Variants in NPEPPS observed in about 807,000 individuals in gnomAD.
The protein encoded by NPEPPS is puromycin-sensitive aminopeptidase.
NPEPPS carries 14 observed loss-of-function variants against 115.5 expected under a neutral mutation model. The observed-to-expected ratio is 0.12, with a 90% CI of 0.08 to 0.19. The LOEUF is 0.19. Ranked by LOEUF, NPEPPS falls within the 10% of genes least tolerant of loss-of-function variation. The probability of loss-of-function intolerance (pLI) is 1.00; values close to 1 mark genes in which losing one functional copy is unlikely to be tolerated. For synonymous variants in NPEPPS, 285 were observed against 390.6 expected, an observed-to-expected ratio of 0.73 and a Z score of 3.19; for missense variants, 523 against 1,110.8, an observed-to-expected ratio of 0.47 and a Z score of 7.52.
At chr17:47,594,683 A>T (rs1305047962) in intron 12 of NPEPPS, among the ~76,000 whole-genome samples, 1 of 151,734 alleles carries the variant, frequency 6.6e-6, no homozygotes, top group Non-Finnish European at 1.5e-5. Context: ...CCCAGGCTGG[A>T]GTGCAGTGGC....
rs1912563454 is a variant in NPEPPS, at chr17:47,592,417, T to G, written c.1366-68T>G. 2.7e-6 allele frequency: 4 copies of G among 1,495,188 alleles called. No homozygotes were observed. In the Admixed American group the frequency reaches 8.3e-5, roughly 31 times the overall value. 92.6% of individuals were successfully genotyped at this position (1,495,188 alleles called of 1,614,324 possible). On this transcript the variant is annotated intron_variant, in intron 11 of 22. Transcript: ENST00000322157. ...TTTGAGTAAATTTGTTTTTGATTAC[T>G]GATATACAAATATACTATAAATTCT...
intron 9 of NPEPPS, among the ~76,000 whole-genome samples, chr17:47,589,397 AG>A (rs1912374498): frequency 6.6e-6 from 1 of 151,966 alleles, no homozygotes. Flanking sequence ...CTGGGACCAC[AG>A]GTGTGTGTCA....
chr17:47,571,080 ATATATC>A (rs1911163165), intron 3 of NPEPPS, among the ~76,000 whole-genome samples: 1 of 151,940 alleles, frequency 6.6e-6, no homozygotes, highest in Admixed American at 6.6e-5. Context: ...CAGGAATGAT[ATATATC>A]TATATAGTGA....
chr17:47,564,096 C>T (rs1910636358), intron 2 of NPEPPS, among the ~76,000 whole-genome samples: 2 of 151,820 alleles, frequency 1.3e-5, no homozygotes, highest in Non-Finnish European at 2.9e-5. Context: ...CCATGCCCTG[C>T]TAATTTTTGT....
chr17:47,543,235 C>T (rs926281800), intron 1 of NPEPPS, among the ~76,000 whole-genome samples: 1 of 150,962 alleles, frequency 6.6e-6, no homozygotes, highest in African/African-American at 2.4e-5. Flanking sequence ...CACACACACA[C>T]GAGAAAAGAT....
chr17:47,620,725 C>T (rs946630952), intron 22 of NPEPPS, among the ~76,000 whole-genome samples: 30 of 152,268 alleles, frequency 2.0e-4, no homozygotes, highest in African/African-American at 5.3e-4. Context: ...ATTAGTCATT[C>T]TGTCTTTCAC....
intron 15 of NPEPPS, among the ~76,000 whole-genome samples, chr17:47,602,827 A>T (rs1160497719): frequency 2.6e-5 from 4 of 151,800 alleles, no homozygotes; most frequent in African/African-American, 9.7e-5. Context: ...TTTTAAATAT[A>T]TATTTAAAAT....
At chr17:47,548,267 G>T (rs1909380027) in intron 2 of NPEPPS, 1 of 152,182 alleles carries the variant, frequency 6.6e-6, no homozygotes, top group Non-Finnish European at 1.5e-5. Flanking sequence ...AGATCAAACT[G>T]CTGGAAGAAC....
chr17:47,588,579 A>G (rs1052638797), intron 9 of NPEPPS, among the ~76,000 whole-genome samples: 11 of 152,020 alleles, frequency 7.2e-5, no homozygotes, highest in African/African-American at 2.7e-4. Context: ...AAAAAAAAAG[A>G]AATATAATTT....
At chr17:47,558,416 C>A (rs1382118615) in intron 2 of NPEPPS, among the ~76,000 whole-genome samples, 1 of 149,754 alleles carries the variant, frequency 6.7e-6, no homozygotes, top group Non-Finnish European at 1.5e-5. Context: ...GCCTGAGCCA[C>A]CACACCTGGC....
chr17:47,536,386 CTCT>C (rs72207750), intron 1 of NPEPPS, among the ~76,000 whole-genome samples: 7,439 of 126,544 alleles, frequency 0.059, 192 homozygotes, highest in East Asian at 0.098. Context: ...CATATTTTCT[CTCT>C]TTTTTTTTTT....
chr17:47,591,826 T>C (rs1912523583), intron 10 of NPEPPS, 130 bp from the exon 11 acceptor site: 1 of 514,446 alleles, frequency 1.9e-6, no homozygotes, highest in African/African-American at 2.0e-5. Context: ...AGGACCATCG[T>C]TATACATTAT....
At chr17:47,540,005 T>G (rs1301342870) in intron 1 of NPEPPS, among the ~76,000 whole-genome samples, 1 of 151,826 alleles carries the variant, frequency 6.6e-6, no homozygotes, top group Non-Finnish European at 1.5e-5. Flanking sequence ...CCCTCTTGAG[T>G]CTTACTATCT....
intron 2 of NPEPPS, among the ~76,000 whole-genome samples, chr17:47,563,255 C>A (rs1859090777): frequency 6.6e-6 from 1 of 152,136 alleles, no homozygotes; most frequent in African/African-American, 2.4e-5. Flanking sequence ...TGGTCTCAGA[C>A]TCCTGACCTC....
At chr17:47,606,866 T>C (rs560519593) in intron 17 of NPEPPS, among the ~76,000 whole-genome samples, 3 of 152,238 alleles carry the variant, frequency 2.0e-5, no homozygotes, top group South Asian at 4.1e-4. Flanking sequence ...AATAATTAAA[T>C]GTATAATGGT....
intron 1 of NPEPPS, among the ~76,000 whole-genome samples, chr17:47,541,733 G>A (rs1223766336): frequency 6.6e-6 from 1 of 151,880 alleles, no homozygotes; most frequent in Non-Finnish European, 1.5e-5. Flanking sequence ...TTGTTTTTTT[G>A]TTCAACTTTA....
At chr17:47,540,116 A>G (rs1908645534) in intron 1 of NPEPPS, among the ~76,000 whole-genome samples, 1 of 152,152 alleles carries the variant, frequency 6.6e-6, no homozygotes, top group Admixed American at 6.6e-5. Context: ...CTTCCATTGT[A>G]AAGTTGTTAC....
chr17:47,559,415 G>A (rs1441936252), intron 2 of NPEPPS, among the ~76,000 whole-genome samples: 1 of 151,886 alleles, frequency 6.6e-6, no homozygotes, highest in Non-Finnish European at 1.5e-5. Context: ...GTTTTGCTTG[G>A]TTTTGGGTTT....
chr17:47,588,521 G>A (rs1200286880), intron 9 of NPEPPS, among the ~76,000 whole-genome samples: 1 of 151,044 alleles, frequency 6.6e-6, no homozygotes, highest in East Asian at 1.9e-4. Flanking sequence ...CCGAGATCAC[G>A]CCACTGCACT....
Sources: gnomAD v4.1 joint callset for allele counts (sites outside exome capture counted in the v4.1 genomes callset) on GRCh38, gnomAD v4.1.1 for gene constraint, MANE v1.5 for transcripts, NCBI Gene and HGNC (gene_info 2026-07-23, HGNC 2026-07-21) for gene names.